Variants in ZZEF1 observed in about 807,000 individuals in gnomAD.
ZZEF1 encodes the protein zinc finger ZZ-type and EF-hand domain-containing protein 1.
In ZZEF1, 157 loss-of-function variants were observed where a neutral mutation model predicts 342.8. That is an observed-to-expected ratio of 0.46 (90% CI 0.40 to 0.52). The LOEUF (loss-of-function observed/expected upper bound fraction) is 0.52, where lower values mean the gene tolerates loss of function less well. ZZEF1 is among the 20% of genes least tolerant of loss of function. The pLI, the probability that ZZEF1 is intolerant of heterozygous loss-of-function variation, is 0.00. For missense variants in ZZEF1, 3,480 were observed against 3,725.6 expected (o/e 0.93, Z 1.72); for synonymous variants, 1,505 against 1,429.1 (o/e 1.05, Z -1.20).
At chr17:4,094,322 CT>C (rs894608283) in intron 11 of ZZEF1, among the ~76,000 whole-genome samples, 16 of 147,676 alleles carry the variant, frequency 1.1e-4, no homozygotes, top group South Asian at 2.2e-4. Context: ...TTATGTTTTT[CT>C]TTTTTTTTTA....
intron 1 of ZZEF1, among the ~76,000 whole-genome samples, chr17:4,127,083 G>A (rs535626298): frequency 6.6e-6 from 1 of 151,204 alleles, no homozygotes; most frequent in East Asian, 2.0e-4. Context: ...TCAGCTCACT[G>A]TAACCTCAAA....
chr17:4,126,230 A>G (rs1271883487), intron 1 of ZZEF1, among the ~76,000 whole-genome samples: 7 of 150,798 alleles, frequency 4.6e-5, no homozygotes, highest in Non-Finnish European at 1.0e-4. Context: ...CGTCTCAAAA[A>G]AAAAAAAAAA....
At chr17:4,025,434 C>A (rs2056380947) in intron 42 of ZZEF1, among the ~76,000 whole-genome samples, 1 of 152,150 alleles carries the variant, frequency 6.6e-6, no homozygotes, top group Non-Finnish European at 1.5e-5. Context: ...TGCCTGTAAT[C>A]CCAGCACTTT....
intron 30 of ZZEF1, among the ~76,000 whole-genome samples, chr17:4,062,497 G>A (rs758904166): frequency 6.6e-6 from 1 of 151,992 alleles, no homozygotes; most frequent in Non-Finnish European, 1.5e-5. Flanking sequence ...AATGATGCAT[G>A]AGTATATGAG....
At position 4,016,654 on chromosome 17, in the gene ZZEF1, A is replaced by G. The variant is rs28642705; in HGVS notation, c.8002-188T>C. 67,966 of 605,566 alleles carry G rather than the reference A, an allele frequency of 0.11. 4,219 individuals are homozygous for G. Among genetic ancestry groups the G allele is most frequent in the African/African-American group, 0.14 (7,774 of 54,032 alleles). The allele number at this position is 605,566 out of a possible 1,614,324, so 37.5% of individuals were successfully genotyped here. A position where few individuals can be genotyped will look rare whatever the true frequency, so the allele number is the denominator to read the frequency against. ...TCACTTGACCAGGCTCTTGGTGTCA[A>G]TCAGGACACTGCAGTCCTTTCAGAA... On this transcript the variant is annotated intron_variant, in intron 48 of 54. Coordinates refer to ENST00000381638, the MANE Select transcript of ZZEF1 (RefSeq NM_015113.4). This position sits in a 1 kb window ranked among gnomAD's most constrained non-coding sequence, Gnocchi z 4.4.
intron 5 of ZZEF1, among the ~76,000 whole-genome samples, chr17:4,110,993 G>A (rs966755748): frequency 6.6e-6 from 1 of 152,196 alleles, no homozygotes; most frequent in African/African-American, 2.4e-5. Flanking sequence ...GATTGGAGGT[G>A]TGAGCCACTG....
At chr17:4,128,020 TGAG>T (rs1158069274) in intron 1 of ZZEF1, among the ~76,000 whole-genome samples, 4 of 152,174 alleles carry the variant, frequency 2.6e-5, no homozygotes, top group Non-Finnish European at 5.9e-5. Context: ...CCGGGACATT[TGAG>T]TAAAGCCTTA....
Position 4,014,631 on chromosome 17 carries a change from A to T in ZZEF1, c.8146-116T>A, listed in dbSNP as rs922681407. Reference sequence around the variant, plus strand: ...GGGTGTGTGAGAATGAGTGAACCACAGCCCTGGCCTCCAGGAGTGCAGAGT... The same window carrying T: ...GGGTGTGTGAGAATGAGTGAACCACTGCCCTGGCCTCCAGGAGTGCAGAGT... On this transcript the variant is annotated intron_variant, in intron 49 of 54. Transcript: ENST00000381638. The surrounding 1 kb of genome is among the most constrained non-coding windows in gnomAD (Gnocchi z 4.4). The T allele has an allele frequency of 3.7e-6, 4 of 1,085,576 alleles. No homozygotes were observed. In the East Asian group the frequency reaches 9.5e-5, roughly 26 times the overall value. 67.2% of individuals were successfully genotyped at this position (1,085,576 alleles called of 1,614,324 possible).
Position 4,009,746 on chromosome 17 carries a change from T to C in ZZEF1, c.8591A>G (p.Asp2864Gly), listed in dbSNP as rs766620375. 1 of 1,613,930 alleles carries C rather than the reference T, an allele frequency of 6.2e-7. No individual in the cohort carries two copies. Among genetic ancestry groups the C allele is most frequent in the South Asian group, 1.1e-5 (1 of 91,068 alleles). The change falls in exon 53 of 55, where the codon GAC becomes GGC. Residue 2864 changes from aspartate to glycine, a missense_variant. Coordinates refer to ENST00000381638, the MANE Select transcript of ZZEF1 (RefSeq NM_015113.4). The part of the protein sequence containing the change: ...VRCCGHSDLC[D>G]LALLKPLWQL... The stretch of plus-strand genomic sequence containing the variant: ...CCACAGGGGCTTCAACAGCGCAAGG[T>C]CACACAGGTCACTGCAGGAGGAGCC...
intron 39 of ZZEF1, among the ~76,000 whole-genome samples, chr17:4,036,015 G>A (rs928022469): frequency 2.0e-5 from 3 of 148,596 alleles, no homozygotes; most frequent in African/African-American, 7.5e-5. Context: ...CAGGAGAATC[G>A]CTTGAACCGG....
chr17:4,009,290 G>A, intron 53 of ZZEF1: 1 of 562,688 alleles, frequency 1.8e-6, no homozygotes, highest in Non-Finnish European at 3.2e-6. Context: ...CTGAGGGGAG[G>A]AAAAAAAGAG....
At chr17:4,127,772 C>T (rs1299750785) in intron 1 of ZZEF1, among the ~76,000 whole-genome samples, 1 of 152,144 alleles carries the variant, frequency 6.6e-6, no homozygotes, top group Non-Finnish European at 1.5e-5. Context: ...CCCAGGTTTC[C>T]CAGAATGCTG....
Position 4,078,027 on chromosome 17 carries a change from G to A in ZZEF1, c.2845C>T (p.Leu949Phe). 2 of 1,613,822 alleles carry A rather than the reference G, an allele frequency of 1.2e-6. No individual in the cohort carries two copies. The highest frequency in any genetic ancestry group is 8.5e-7 in the Non-Finnish European group (1 of 1,179,928). Residue 949 changes from leucine to phenylalanine, a missense_variant, in exon 19 of 55, where the codon CTC becomes TTC. Around this residue, in one of 5 missense-constraint regions of ZZEF1, gnomAD observed 1,528 missense variants for 1,624.1 expected, o/e 0.94. Transcript: ENST00000381638. ...VAARECELLM[L>F]SGAPGEVGSV... ...CCCACCTCCCCTGGGGCCCCACTGA[G>A]CATTAACAGCTCGCACTACAAGGGA...
At chr17:4,015,557 G>C (rs2144947976) in intron 49 of ZZEF1, among the ~76,000 whole-genome samples, 1 of 152,340 alleles carries the variant, frequency 6.6e-6, no homozygotes, top group East Asian at 1.9e-4. Flanking sequence ...CTGAGGTCAG[G>C]AGTTAGAGAC....
intron 31 of ZZEF1, 22 bp from the exon 32 acceptor site, chr17:4,058,177 C>G (rs1244974942): frequency 1.2e-6 from 2 of 1,600,780 alleles, no homozygotes; most frequent in South Asian, 2.2e-5. Flanking sequence ...TGAAAGTGAC[C>G]ATTAGCAGAG....
chr17:4,028,623 A>T (rs1173665740), intron 42 of ZZEF1, among the ~76,000 whole-genome samples: 1 of 152,186 alleles, frequency 6.6e-6, no homozygotes. Context: ...AAACACATCA[A>T]TTAAAAGACA....
chr17:4,135,886 A>G (rs2058739202), intron 1 of ZZEF1, among the ~76,000 whole-genome samples: 1 of 151,122 alleles, frequency 6.6e-6, no homozygotes, highest in Non-Finnish European at 1.5e-5. Context: ...TGGCTGATCC[A>G]GTAAAATACA....
At position 4,032,921 on chromosome 17, in the gene ZZEF1, A is replaced by G. The variant is rs1482840159; in HGVS notation, c.6666T>C (p.Ile2222=). The change falls in exon 41 of 55, where the codon ATT becomes ATC. Residue 2222 remains isoleucine, a synonymous_variant. Coordinates refer to ENST00000381638, the MANE Select transcript of ZZEF1 (RefSeq NM_015113.4). ...LNSAPLWRDV[I]ATFTDHCIKQ... ...TGATGCAGTGGTCTGTGAAGGTGGC[A>G]ATGACATCACGCCACAGTGGGGCAC... The G allele has an allele frequency of 6.2e-7, 1 of 1,613,656 alleles. No homozygotes were observed. Among genetic ancestry groups the G allele is most frequent in the Admixed American group, 1.7e-5 (1 of 59,956 alleles).
At position 4,064,478 on chromosome 17, in the gene ZZEF1, C is replaced by T. The variant is rs776227555; in HGVS notation, c.4601G>A (p.Arg1534Gln). Residue 1534 changes from arginine (R) to glutamine (Q), a missense_variant, in exon 29 of 55, where the codon CGG (arginine) becomes CAG (glutamine). Arg to Gln is a conservative substitution (Grantham distance 43). Around this residue, in one of 5 missense-constraint regions of ZZEF1, gnomAD observed 1,528 missense variants for 1,624.1 expected, o/e 0.94. Coordinates refer to ENST00000381638, the MANE Select transcript of ZZEF1 (RefSeq NM_015113.4). The stretch of plus-strand genomic sequence containing the variant: ...CTCCATGGATCGAAAGGAGAGCAGC[C>T]GGAGTCGCCCTCGGGTGAAGGGAGG... ...RRPPFTRGRLRLLSFRSMEEA... is the reference protein window; with the variant it reads ...RRPPFTRGRLQLLSFRSMEEA... 3.7e-5 allele frequency: 60 copies of T among 1,613,972 alleles called. No individual in the cohort carries two copies. The highest frequency in any genetic ancestry group is 4.6e-5 in the Non-Finnish European group (54 of 1,180,020).
Sources: gnomAD v4.1 joint callset for allele counts (sites outside exome capture counted in the v4.1 genomes callset) on GRCh38, gnomAD v4.1.1 for gene constraint, gnomAD v4.1.1 regional missense constraint, Gnocchi (gnomAD v3.1) non-coding constraint, MANE v1.5 for transcripts, NCBI Gene and HGNC (gene_info 2026-07-23, HGNC 2026-07-21) for gene names.